CAPN14: variants seen among roughly 807,000 people sequenced by gnomAD.
CAPN14 encodes calpain 14.
Under a neutral mutation model 101.3 loss-of-function variants are expected in CAPN14, and 94 were observed. The observed-to-expected ratio is 0.93, with a 90% CI of 0.79 to 1.10. The LOEUF (loss-of-function observed/expected upper bound fraction) is 1.10, where lower values mean the gene tolerates loss of function less well. CAPN14 is among the 50% of genes least tolerant of loss of function. CAPN14 has a pLI of 0.00. For synonymous variants in CAPN14, 338 were observed against 317.9 expected, an observed-to-expected ratio of 1.06 and a Z score of -0.67; for missense variants, 837 against 828.4, an observed-to-expected ratio of 1.01 and a Z score of -0.13.
chr2:31,192,211 G>A (rs10192210), intron 10 of CAPN14, 113 bp from the exon 11 acceptor site: 205,958 of 1,224,276 alleles, frequency 0.17, 19,166 homozygotes, highest in East Asian at 0.32. Context: ...TTGACACCCT[G>A]AGGCCCACTG....
At chr2:31,220,571 T>A (rs1252016173), upstream of CAPN14, among the ~76,000 whole-genome samples, 2 of 152,176 alleles carry the variant, frequency 1.3e-5, no homozygotes, top group African/African-American at 4.8e-5. Context: ...ACGCCTGTAA[T>A]CCCAACACTT....
At chr2:31,189,640 C>A (rs1253647008) in intron 12 of CAPN14, 162 bp from the exon 13 acceptor site, 3 of 704,960 alleles carry the variant, frequency 4.3e-6, no homozygotes, top group Non-Finnish European at 7.7e-6. Context: ...AAAGGAAAAA[C>A]CAGAATATGT....
chr2:31,181,091 G>T (rs773122364), intron 16 of CAPN14, 91 bp from the exon 17 acceptor site: 5 of 960,818 alleles, frequency 5.2e-6, no homozygotes, highest in Non-Finnish European at 8.1e-6. Flanking sequence ...GCATGGGCCA[G>T]CTGATGACCA....
chr2:31,189,625 G>C (rs758781312), intron 12 of CAPN14, 147 bp from the exon 13 acceptor site: 2 of 726,686 alleles, frequency 2.8e-6, no homozygotes, highest in Non-Finnish European at 2.5e-6. Context: ...AAACAAGTGG[G>C]GAGGAAAGGA....
rs1683173639 is a variant in CAPN14, at chr2:31,230,980, A to AT, written c.-177+2810dup. ...TTTCCTGGCTATTTACTGTGTTGTT[A>AT]TTCTGTTGGTCTCTGTGCCAAAACC... On this transcript the variant is annotated intron_variant and NMD_transcript_variant, in intron 1 of 21. Transcript: ENST00000398824. This position sits in a 1 kb window ranked among gnomAD's most constrained non-coding sequence, Gnocchi z 4.3. 6.6e-6 allele frequency among the ~76,000 whole-genome samples: 1 copy of AT among 152,018 alleles called. No individual in the cohort carries two copies. Among genetic ancestry groups the AT allele is most frequent in the South Asian group, 2.1e-4 (1 of 4,802 alleles).
intron 8 of CAPN14, among the ~76,000 whole-genome samples, chr2:31,197,018 A>G (rs12105033): frequency 0.2 from 30,866 of 152,114 alleles, 3,477 homozygotes; most frequent in East Asian, 0.37. Flanking sequence ...GTTTAGCACA[A>G]TGCTGGCAAG....
At chr2:31,199,630 G>A (rs943193976) in intron 6 of CAPN14, 98 bp from the exon 7 acceptor site, 18 of 915,988 alleles carry the variant, frequency 2.0e-5, no homozygotes, top group Admixed American at 1.3e-4. Flanking sequence ...GGTTTATGGA[G>A]AGAAGTGTGG....
chr2:31,189,194 T>C (rs879760520), intron 13 of CAPN14, 79 bp downstream of exon 13: 45 of 1,281,642 alleles, frequency 3.5e-5, no homozygotes, highest in Non-Finnish European at 4.1e-5. Context: ...TCCTGGTTTC[T>C]GCCATTTCCA....
In CAPN14 at chr2:31,177,150, G is replaced by A. The variant is rs1312050154; in HGVS notation, c.1856-8C>T. 5.2e-6 allele frequency: 8 copies of A among 1,544,230 alleles called. No homozygotes were observed. Among genetic ancestry groups the A allele is most frequent in the Non-Finnish European group, 7.0e-6 (8 of 1,141,228 alleles). On this transcript the variant is annotated splice_polypyrimidine_tract_variant and splice_region_variant and intron_variant, in intron 19 of 21. Transcript: ENST00000403897. Reference sequence around the variant, plus strand: ...CATCACTGAGCATGATTCCTGCATTGAGCACAAGCTCCTGCTGTGGGTATT... The same window carrying A: ...CATCACTGAGCATGATTCCTGCATTAAGCACAAGCTCCTGCTGTGGGTATT...
intron 1 of CAPN14, among the ~76,000 whole-genome samples, chr2:31,211,243 A>G (rs765660935): frequency 0.059 from 6,249 of 106,356 alleles, 141 homozygotes; most frequent in African/African-American, 0.062. Flanking sequence ...AGAAAAAGAG[A>G]GAAAGAGAGG....
chr2:31,222,623 A>G (rs1222562106), intron 2 of CAPN14, among the ~76,000 whole-genome samples: 2 of 152,204 alleles, frequency 1.3e-5, no homozygotes, highest in Non-Finnish European at 2.9e-5. Context: ...TATGCACTCA[A>G]TACATTTTTT....
chr2:31,191,217 G>A (rs1335590645), intron 12 of CAPN14, among the ~76,000 whole-genome samples, 182 bp downstream of exon 12: 3 of 152,030 alleles, frequency 2.0e-5, no homozygotes, highest in African/African-American at 7.2e-5. Context: ...GGATAAAAAA[G>A]ATTAACAGAT....
In CAPN14 at chr2:31,205,487, G is replaced by A. The variant is rs919900443; in HGVS notation, c.-40C>T. 6.8e-7 allele frequency: 1 copy of A among 1,465,498 alleles called. No homozygotes were observed. The highest frequency in any genetic ancestry group is 2.5e-5 in the East Asian group (1 of 40,366). The allele number at this position is 1,465,498 out of a possible 1,614,324, so 90.8% of individuals were successfully genotyped here. ...ACAGTCCAGTGAGTCTTCCTGAGGA[G>A]TCTCTGCTGCTCCTGAAATGGAGAG... On this transcript the variant is annotated 5_prime_UTR_variant, in exon 2 of 22. Transcript: ENST00000403897.
upstream of CAPN14, among the ~76,000 whole-genome samples, chr2:31,219,980 T>G (rs182818356): frequency 4.6e-5 from 7 of 152,322 alleles, no homozygotes; most frequent in Non-Finnish European, 1.0e-4. Flanking sequence ...ACAAACCTAA[T>G]TGCTCTCTAA....
chr2:31,229,307 G>A (rs918581891), intron 1 of CAPN14, among the ~76,000 whole-genome samples: 2 of 152,102 alleles, frequency 1.3e-5, no homozygotes, highest in African/African-American at 4.8e-5. Context: ...ACAAAAACAT[G>A]TGTTAAGTTT....
chr2:31,211,580 A>G (rs1682403544), intron 1 of CAPN14, among the ~76,000 whole-genome samples: 1 of 152,146 alleles, frequency 6.6e-6, no homozygotes, highest in African/African-American at 2.4e-5. Context: ...AAATGATTTT[A>G]GATAAAATCA....
intron 1 of CAPN14, among the ~76,000 whole-genome samples, chr2:31,211,934 A>G (rs1277757861): frequency 6.6e-6 from 1 of 152,042 alleles, no homozygotes; most frequent in Non-Finnish European, 1.5e-5. Flanking sequence ...GTGCAAAATA[A>G]CTTTTGGGGT....
At chr2:31,197,808 T>C (rs1446076963) in intron 7 of CAPN14, among the ~76,000 whole-genome samples, 1 of 152,112 alleles carries the variant, frequency 6.6e-6, no homozygotes, top group African/African-American at 2.4e-5. Context: ...AATGGAGTTA[T>C]GTAGACCAAG....
At position 31,191,869 on chromosome 2, in the gene CAPN14, G is replaced by A. The variant is rs186770052; in HGVS notation, c.1278+66C>T. The A allele has an allele frequency of 7.4e-5, 102 of 1,382,942 alleles. No individual in the cohort carries two copies. In the East Asian group the frequency reaches 2.0e-3, roughly 28 times the overall value. 85.7% of individuals were successfully genotyped at this position (1,382,942 alleles called of 1,614,324 possible). A position where few individuals can be genotyped will look rare whatever the true frequency, so the allele number is the denominator to read the frequency against. ...TGGTGAAGAAGACAGGAAACAGGAAGACATGGTAACTGTTGGTGACCCCCA... is the reference window on the plus strand; with the variant it reads ...TGGTGAAGAAGACAGGAAACAGGAAAACATGGTAACTGTTGGTGACCCCCA... On this transcript the variant is annotated intron_variant, in intron 11 of 21. Transcript: ENST00000403897.
Sources: gnomAD v4.1 joint callset for allele counts (sites outside exome capture counted in the v4.1 genomes callset) on GRCh38, gnomAD v4.1.1 for gene constraint, Gnocchi (gnomAD v3.1) non-coding constraint, MANE v1.5 for transcripts, NCBI Gene and HGNC (gene_info 2026-07-23, HGNC 2026-07-21) for gene names.